The following PCDHGB5 variants were observed in gnomAD, a reference collection of about 807,000 sequenced individuals.
PCDHGB5 encodes the protein protocadherin gamma subfamily B, 5, also known as protocadherin gamma-B5.
In PCDHGB5, 48 loss-of-function variants were observed where a neutral mutation model predicts 62.9. That is an observed-to-expected ratio of 0.76 (90% confidence interval 0.61 to 0.97). The LOEUF (loss-of-function observed/expected upper bound fraction) is 0.97. PCDHGB5 is among the 50% of genes least tolerant of loss of function. The pLI is 0.00. For missense variants in PCDHGB5, 1,118 were observed against 1,198.6 expected, an observed-to-expected ratio of 0.93 and a Z score of 0.99; for synonymous variants, 474 against 511.2, an observed-to-expected ratio of 0.93 and a Z score of 0.98.
chr5:141,502,308 C>T (rs928137926), intron 2 of PCDHGB5, among the ~76,000 whole-genome samples: 2 of 151,586 alleles, frequency 1.3e-5, no homozygotes, highest in Non-Finnish European at 2.9e-5. Flanking sequence ...CTTTCCTCTC[C>T]TTTAATCTGG....
At chr5:141,417,304 AG>A (rs1315238937) in intron 1 of PCDHGB5, 1 of 152,318 alleles carries the variant, frequency 6.6e-6, no homozygotes, top group East Asian at 1.9e-4. Context: ...CTCTGGATGG[AG>A]GAATTGGATA....
intron 1 of PCDHGB5, among the ~76,000 whole-genome samples, chr5:141,484,675 T>C (rs1179759392): frequency 6.6e-6 from 1 of 152,042 alleles, no homozygotes; most frequent in African/African-American, 2.4e-5. Context: ...GGGCCGCAGG[T>C]TGCTAGGGCT....
At position 141,476,418 on chromosome 5, in the gene PCDHGB5, T is replaced by C. The variant is rs201255025; in HGVS notation, c.2398-18389T>C. On this transcript the variant is annotated intron_variant, in intron 1 of 3. Transcript: ENST00000617380. This position sits in a 1 kb window ranked among gnomAD's most constrained non-coding sequence, Gnocchi z 7.6. The stretch of plus-strand genomic sequence containing the variant: ...GATCGAGAGGAGCTGTGTGGGACAC[T>C]GCCCTCTTGCACTGTAACTCTGGAG... 6.2e-7 allele frequency: 1 copy of C among 1,614,122 alleles called. No individual in the cohort carries two copies. Among genetic ancestry groups the C allele is most frequent in the Non-Finnish European group, 8.5e-7 (1 of 1,180,002 alleles).
intron 1 of PCDHGB5, among the ~76,000 whole-genome samples, chr5:141,482,914 A>G (rs1023561837): frequency 6.6e-6 from 1 of 152,162 alleles, no homozygotes; most frequent in Non-Finnish European, 1.5e-5. Context: ...TCTATTAAAA[A>G]TACAAAAAAT....
rs1433429634 is a variant in PCDHGB5 at position 141,486,311 on chromosome 5, G to T, written c.2398-8496G>T. 1.2e-6 allele frequency: 2 copies of T among 1,613,956 alleles called. No homozygotes were observed. Among genetic ancestry groups the T allele is most frequent in the African/African-American group, 2.7e-5 (2 of 74,892 alleles). On this transcript the variant is annotated intron_variant, in intron 1 of 3. Transcript: ENST00000617380. The surrounding 1 kb of genome is among the most constrained non-coding windows in gnomAD (Gnocchi z 5.0). The stretch of plus-strand genomic sequence containing the variant: ...TATCAGTGTGCAGGATCCAGACTCA[G>T]GGTCAAACGGAGATGTGAGCCTCCG...
At chr5:141,454,557 C>T (rs191373514) in intron 1 of PCDHGB5, among the ~76,000 whole-genome samples, 8 of 152,160 alleles carry the variant, frequency 5.3e-5, no homozygotes, top group Admixed American at 5.2e-4. Flanking sequence ...CAGGCATGTG[C>T]CACCACGCCC....
chr5:141,444,152 A>ATTTTTTTTT (rs747671382), intron 1 of PCDHGB5, among the ~76,000 whole-genome samples: 2 of 33,898 alleles, frequency 5.9e-5, no homozygotes, highest in Non-Finnish European at 5.2e-5. Context: ...TGTGTACTGG[A>ATTTTTTTTT]TTTTTTTTTT....
chr5:141,486,400 T>G lies in PCDHGB5; in HGVS notation c.2398-8407T>G. On this transcript the variant is annotated intron_variant, in intron 1 of 3. Transcript: ENST00000617380. This position sits in a 1 kb window ranked among gnomAD's most constrained non-coding sequence, Gnocchi z 5.0. Reference sequence around the variant, plus strand: ...TCAGGAACCAGTTCTCCCTGGTGACTGCTGGACCCTTGGATCGAGAGGCCA... The same window carrying G: ...TCAGGAACCAGTTCTCCCTGGTGACGGCTGGACCCTTGGATCGAGAGGCCA... 5.0e-6 allele frequency: 8 copies of G among 1,614,194 alleles called. No homozygotes were observed. The highest frequency in any genetic ancestry group is 6.8e-6 in the Non-Finnish European group (8 of 1,180,028).
Position 141,489,564 on chromosome 5 carries a change from G to A in PCDHGB5, c.2398-5243G>A, listed in dbSNP as rs375200685. The A allele has an allele frequency of 1.9e-6, 3 of 1,613,980 alleles. No homozygotes were observed. Among genetic ancestry groups the A allele is most frequent in the Non-Finnish European group, 1.7e-6 (2 of 1,180,020 alleles). On this transcript the variant is annotated intron_variant, in intron 1 of 3. Transcript: ENST00000617380. This position sits in a 1 kb window ranked among gnomAD's most constrained non-coding sequence, Gnocchi z 4.5. Reference sequence around the variant, plus strand: ...CCAGCTGCCTGCTGCCAGTGCAGGTGGTGACTGAACACCCCCTGGAGCTAA... The same window carrying A: ...CCAGCTGCCTGCTGCCAGTGCAGGTAGTGACTGAACACCCCCTGGAGCTAA...
chr5:141,476,714 C>T lies in PCDHGB5; in HGVS notation c.2398-18093C>T, dbSNP rs146188020. On this transcript the variant is annotated intron_variant, in intron 1 of 3. Transcript: ENST00000617380. The surrounding 1 kb of genome is among the most constrained non-coding windows in gnomAD (Gnocchi z 7.6). ...CAAGTACGCGGAGCTGGTGTTGGAG[C>T]GCGCCCTGGACCGAGAACGGGAGCC... The T allele has an allele frequency of 6.2e-7, 1 of 1,614,154 alleles. No individual in the cohort carries two copies. The highest frequency in any genetic ancestry group is 8.5e-7 in the Non-Finnish European group (1 of 1,180,032).
chr5:141,467,376 A>G (rs1391386659), intron 1 of PCDHGB5, among the ~76,000 whole-genome samples: 2 of 151,990 alleles, frequency 1.3e-5, no homozygotes. Flanking sequence ...CTTATATTGC[A>G]TTTAGGTTTT....
chr5:141,423,154 C>A, intron 1 of PCDHGB5: 1 of 1,613,466 alleles, frequency 6.2e-7, no homozygotes, highest in South Asian at 1.1e-5. Flanking sequence ...CAAGCAGAGC[C>A]TCGTGGTGGC....
Position 141,399,356 on chromosome 5 carries a change from A to G in PCDHGB5, c.1229A>G (p.Gln410Arg). 1 of 1,614,010 alleles carries G rather than the reference A, an allele frequency of 6.2e-7. No individual in the cohort carries two copies. The highest frequency in any genetic ancestry group is 8.5e-7 in the Non-Finnish European group (1 of 1,179,902). ...LVTDGTLDRE[Q>R]TPEYNVTITA... ...ACAGATGGAACCCTAGACCGAGAGC[A>G]AACCCCGGAGTACAATGTCACCATC... Residue 410 changes from glutamine to arginine, a missense_variant, in exon 1 of 4, where the codon CAA (glutamine) becomes CGA (arginine). Gln to Arg is a conservative substitution (Grantham distance 43). This residue lies in a region of PCDHGB5 where 1,034 missense variants were observed against 1,029.1 expected (regional missense o/e 1.00). Transcript: ENST00000617380.
intron 1 of PCDHGB5, among the ~76,000 whole-genome samples, chr5:141,439,161 C>T (rs1384707803): frequency 6.6e-6 from 1 of 150,850 alleles, no homozygotes; most frequent in Non-Finnish European, 1.5e-5. Flanking sequence ...CCACTGCACT[C>T]CAGCCTGGGC....
At position 141,490,632 on chromosome 5, in the gene PCDHGB5, A is replaced by C; in HGVS notation, c.2398-4175A>C. Reference sequence around the variant, plus strand: ...AGCAGCTTTACACTGCTTACATCCTAGAAAACCGGCCTCCGGGCTCCCTTC... The same window carrying C: ...AGCAGCTTTACACTGCTTACATCCTCGAAAACCGGCCTCCGGGCTCCCTTC... On this transcript the variant is annotated intron_variant, in intron 1 of 3. Transcript: ENST00000617380. This position sits in a 1 kb window ranked among gnomAD's most constrained non-coding sequence, Gnocchi z 5.4. The C allele has an allele frequency of 1.2e-6, 2 of 1,614,196 alleles. No individual in the cohort carries two copies. Among genetic ancestry groups the C allele is most frequent in the South Asian group, 1.1e-5 (1 of 91,088 alleles).
In PCDHGB5 at chr5:141,432,545, A is replaced by G; in HGVS notation, c.2397+32021A>G. Reference sequence around the variant, plus strand: ...GGTGACCAAGGTGGTGGCGGTGGACAGAGACTCCGGCCAGAACGCCTGGCT... The same window carrying G: ...GGTGACCAAGGTGGTGGCGGTGGACGGAGACTCCGGCCAGAACGCCTGGCT... On this transcript the variant is annotated intron_variant, in intron 1 of 3. Coordinates refer to ENST00000617380, the MANE Select transcript of PCDHGB5 (RefSeq NM_018925.3). This position sits in a 1 kb window ranked among gnomAD's most constrained non-coding sequence, Gnocchi z 6.0. The G allele has an allele frequency of 1.2e-6, 2 of 1,613,876 alleles. No homozygotes were observed. Among genetic ancestry groups the G allele is most frequent in the Non-Finnish European group, 1.7e-6 (2 of 1,179,984 alleles).
chr5:141,463,438 CTTTTTTT>C (rs71576115), intron 1 of PCDHGB5, among the ~76,000 whole-genome samples: 1 of 103,252 alleles, frequency 9.7e-6, no homozygotes, highest in Non-Finnish European at 1.9e-5. Flanking sequence ...TTTCCTTCTC[CTTTTTTT>C]TTTTTTTTTT....
intron 1 of PCDHGB5, among the ~76,000 whole-genome samples, chr5:141,472,245 T>A (rs1217786736): frequency 6.6e-6 from 1 of 152,144 alleles, no homozygotes; most frequent in East Asian, 1.9e-4. Context: ...ACTTTCTATT[T>A]TAAAGTTATA....
At chr5:141,451,807 G>A (rs896081470) in intron 1 of PCDHGB5, among the ~76,000 whole-genome samples, 5 of 150,778 alleles carry the variant, frequency 3.3e-5, no homozygotes, top group African/African-American at 1.2e-4. Flanking sequence ...CTTGAACCCA[G>A]GAGGCGGAGG....
Sources: gnomAD v4.1 joint callset for allele counts (sites outside exome capture counted in the v4.1 genomes callset) on GRCh38, gnomAD v4.1.1 for gene constraint, gnomAD v4.1.1 regional missense constraint, Gnocchi (gnomAD v3.1) non-coding constraint, MANE v1.5 for transcripts, NCBI Gene and HGNC (gene_info 2026-07-23, HGNC 2026-07-21) for gene names.